Variants in PIK3C2G observed in about 807,000 individuals in gnomAD.
PIK3C2G encodes the protein phosphatidylinositol-4-phosphate 3-kinase catalytic subunit type 2 gamma.
In PIK3C2G, 168 loss-of-function variants were observed where a neutral mutation model predicts 181.1. The observed-to-expected ratio is 0.93, with a 90% CI of 0.82 to 1.05. PIK3C2G has a LOEUF of 1.05. Among genes scored for constraint, PIK3C2G ranks in the 50% least tolerant of loss-of-function variants. The pLI, the probability that PIK3C2G is intolerant of heterozygous loss-of-function variation, is 0.00. For synonymous variants in PIK3C2G, 573 were observed against 592.2 expected (o/e 0.97, Z 0.47); for missense variants, 1,869 against 1,732.8 (o/e 1.08, Z -1.40).
At chr12:18,476,659 T>C (rs915567255) in intron 18 of PIK3C2G, among the ~76,000 whole-genome samples, 1 of 152,002 alleles carries the variant, frequency 6.6e-6, no homozygotes, top group African/African-American at 2.4e-5. Flanking sequence ...AAACTTGATG[T>C]TGGGGATGAA....
chr12:18,423,479 C>T (rs184385229), intron 17 of PIK3C2G, among the ~76,000 whole-genome samples: 57 of 152,106 alleles, frequency 3.7e-4, no homozygotes, highest in African/African-American at 1.4e-3. Flanking sequence ...GACTGAGTTA[C>T]GGTAGTAACA....
In PIK3C2G at chr12:18,405,396, T is replaced by TGTGGTGGTG. The variant is rs746678614; in HGVS notation, c.2315+5552_2315+5553insGTGGTGGTG. ...TGGAACTCTGGAGAACAGCAACATTTGTGTTGTTGTTGTTGTTGTTGTTGT... is the reference window on the plus strand; with the variant it reads ...TGGAACTCTGGAGAACAGCAACATTTGTGGTGGTGGTGTTGTTGTTGTTGTTGTTGTTGT... On this transcript the variant is annotated intron_variant, in intron 16 of 32. Transcript: ENST00000538779. Among the ~76,000 whole-genome samples the TGTGGTGGTG allele has an allele frequency of 4.2e-3, 510 of 122,044 alleles. 3 individuals are homozygous for TGTGGTGGTG. Among genetic ancestry groups the TGTGGTGGTG allele is most frequent in the African/African-American group, 8.6e-3 (282 of 32,658 alleles). 80.1% of individuals were successfully genotyped at this position (122,044 alleles called of 152,430 possible).
intron 27 of PIK3C2G, among the ~76,000 whole-genome samples, 170 bp downstream of exon 27, chr12:18,563,062 A>G (rs1945434087): frequency 6.6e-6 from 1 of 152,248 alleles, no homozygotes; most frequent in East Asian, 1.9e-4. Context: ...AGGAAAAATC[A>G]TAACAACAAG....
At chr12:18,446,030 T>A (rs1055180830) in intron 18 of PIK3C2G, among the ~76,000 whole-genome samples, 8 of 152,194 alleles carry the variant, frequency 5.3e-5, no homozygotes, top group Non-Finnish European at 1.0e-4. Flanking sequence ...ACATTGCCTA[T>A]TTAAAAGAGT....
intron 19 of PIK3C2G, among the ~76,000 whole-genome samples, chr12:18,489,321 T>C (rs1455566178): frequency 2.0e-5 from 3 of 152,114 alleles, no homozygotes; most frequent in Admixed American, 6.6e-5. Flanking sequence ...CTACCTACTA[T>C]AGACTAGGGG....
At chr12:18,556,364 G>C (rs1213932732) in intron 26 of PIK3C2G, among the ~76,000 whole-genome samples, 1 of 152,216 alleles carries the variant, frequency 6.6e-6, no homozygotes, top group Non-Finnish European at 1.5e-5. Context: ...TGACACCTGA[G>C]AGATAGGAGA....
chr12:18,721,746 T>A, the PIK3C2G span, among the ~76,000 whole-genome samples: 1 of 151,242 alleles, frequency 6.6e-6, no homozygotes, highest in African/African-American at 2.4e-5. Context: ...TCTGAACTCA[T>A]CAGTTCTGCT....
the PIK3C2G span, among the ~76,000 whole-genome samples, chr12:18,669,656 T>TC: frequency 0.018 from 2,667 of 150,048 alleles, 42 homozygotes; most frequent in Middle Eastern, 0.055. Context: ...CTCTGGTGTC[T>TC]CTTCCTCTCT....
intron 29 of PIK3C2G, among the ~76,000 whole-genome samples, chr12:18,569,934 T>C (rs1364864554): frequency 6.6e-6 from 1 of 152,222 alleles, no homozygotes; most frequent in Non-Finnish European, 1.5e-5. Context: ...TATTCATTTA[T>C]TGATTCATTT....
chr12:18,404,215 C>G (rs990584527), intron 16 of PIK3C2G, among the ~76,000 whole-genome samples: 1 of 152,016 alleles, frequency 6.6e-6, no homozygotes, highest in Non-Finnish European at 1.5e-5. Flanking sequence ...TGTTTACTAA[C>G]ATTGTAAATA....
intron 18 of PIK3C2G, among the ~76,000 whole-genome samples, chr12:18,444,229 G>A (rs367835392): frequency 6.6e-6 from 1 of 152,104 alleles, no homozygotes; most frequent in Non-Finnish European, 1.5e-5. Context: ...GGCCACCCCT[G>A]TCTTTACCTC....
At chr12:18,677,431 T>C in the PIK3C2G span, among the ~76,000 whole-genome samples, 167 of 152,184 alleles carry the variant, frequency 1.1e-3, 4 homozygotes, top group South Asian at 0.034. Context: ...TGAGCATGCA[T>C]CTGAATCACA....
intron 13 of PIK3C2G, among the ~76,000 whole-genome samples, chr12:18,377,027 G>T (rs1203252428): frequency 6.6e-6 from 1 of 152,158 alleles, no homozygotes; most frequent in Admixed American, 6.5e-5. Flanking sequence ...ACACAACAGG[G>T]TTCCAGCTCA....
chr12:18,405,585 C>T (rs923182644), intron 16 of PIK3C2G, among the ~76,000 whole-genome samples: 3 of 151,522 alleles, frequency 2.0e-5, no homozygotes, highest in Admixed American at 6.6e-5. Context: ...AAAAAAGTGA[C>T]CAAAAGGTTG....
At chr12:18,370,407 T>C (rs1286545154) in intron 12 of PIK3C2G, among the ~76,000 whole-genome samples, 8 of 152,172 alleles carry the variant, frequency 5.3e-5, no homozygotes, top group Non-Finnish European at 1.0e-4. Flanking sequence ...TCGGAGAGTC[T>C]TGACCTTATC....
intron 18 of PIK3C2G, among the ~76,000 whole-genome samples, chr12:18,471,620 A>C (rs1938466790): frequency 1.3e-5 from 2 of 151,932 alleles, no homozygotes; most frequent in Admixed American, 6.6e-5. Context: ...TCCATATCTT[A>C]TTTTTTTAGG....
chr12:18,261,715 A>G (rs1182105192), intron 1 of PIK3C2G, 138 bp downstream of exon 1: 2 of 152,174 alleles, frequency 1.3e-5, no homozygotes, highest in Non-Finnish European at 2.9e-5. Context: ...AATCAGAGTG[A>G]GTTTGTGCCA....
intron 16 of PIK3C2G, among the ~76,000 whole-genome samples, chr12:18,406,652 T>C (rs543605680): frequency 3.3e-5 from 5 of 152,162 alleles, no homozygotes; most frequent in South Asian, 2.1e-4. Context: ...AGAAAAGAGA[T>C]AGATAGGTGA....
intron 2 of PIK3C2G, among the ~76,000 whole-genome samples, 159 bp from the exon 3 acceptor site, chr12:18,286,688 G>A (rs1338598418): frequency 6.6e-6 from 1 of 151,954 alleles, no homozygotes; most frequent in Non-Finnish European, 1.5e-5. Context: ...CTTAAGATCT[G>A]TGCATTTTTC....
Sources: allele counts gnomAD v4.1 joint callset (sites outside exome capture counted in the v4.1 genomes callset), GRCh38; gene constraint gnomAD v4.1.1; transcripts MANE v1.5; gene names NCBI Gene and HGNC (gene_info 2026-07-23, HGNC 2026-07-21).